The following ZDHHC3 variants were observed in gnomAD, a reference collection of about 807,000 sequenced individuals.
ZDHHC3 encodes the protein zDHHC palmitoyltransferase 3.
Under a neutral mutation model 30.6 loss-of-function variants are expected in ZDHHC3, and 9 were observed. That is an observed-to-expected ratio of 0.29 (90% CI 0.18 to 0.51). The LOEUF is 0.51. Among genes scored for constraint, ZDHHC3 ranks in the 20% least tolerant of loss-of-function variants. The pLI is 0.97. For missense variants in ZDHHC3, 246 were observed against 384.2 expected (o/e 0.64, Z 3.01); for synonymous variants, 136 against 140.2 (o/e 0.97, Z 0.21).
chr3:44,954,895 G>C (rs1703794032), intron 2 of ZDHHC3, among the ~76,000 whole-genome samples: 1 of 152,170 alleles, frequency 6.6e-6, no homozygotes. Context: ...ACCAAGAAAT[G>C]AGGAAAAGAG....
intron 1 of ZDHHC3, among the ~76,000 whole-genome samples, chr3:44,965,020 G>A (rs1252944069): frequency 6.6e-6 from 1 of 152,166 alleles, no homozygotes; most frequent in Non-Finnish European, 1.5e-5. Flanking sequence ...CACAGGCCCA[G>A]AGGTGTTCTG....
chr3:44,937,799 GGTT>G, intron 3 of ZDHHC3: 1 of 417,236 alleles, frequency 2.4e-6, no homozygotes, highest in East Asian at 6.2e-5. Context: ...CCCCAAAAAA[GGTT>G]GGTGATGACA....
chr3:44,917,709 T>G lies in ZDHHC3; in HGVS notation c.*8980A>C. 3.5e-6 allele frequency: 2 copies of G among 577,638 alleles called. No individual in the cohort carries two copies. The highest frequency in any genetic ancestry group is 5.3e-6 in the Non-Finnish European group (2 of 380,946). 35.8% of individuals were successfully genotyped at this position (577,638 alleles called of 1,614,324 possible). On this transcript the variant is annotated 3_prime_UTR_variant, in exon 7 of 7. Coordinates refer to ENST00000424952, the MANE Select transcript of ZDHHC3 (RefSeq NM_001135179.2). ...TCCTCCTCTGATGTCCCCAGCCTACTCCCGACCCCCAGACCTGGCCCAACA... is the reference window on the plus strand; with the variant it reads ...TCCTCCTCTGATGTCCCCAGCCTACGCCCGACCCCCAGACCTGGCCCAACA...
intron 5 of ZDHHC3, among the ~76,000 whole-genome samples, chr3:44,930,177 C>T (rs1178298175): frequency 1.3e-5 from 2 of 152,260 alleles, no homozygotes; most frequent in Admixed American, 6.5e-5. Context: ...CCTCCACCCA[C>T]TGCACTGTGA....
chr3:44,974,630 G>A (rs1029880972), intron 1 of ZDHHC3, among the ~76,000 whole-genome samples: 5 of 152,172 alleles, frequency 3.3e-5, no homozygotes, highest in African/African-American at 9.7e-5. Flanking sequence ...AAATCCTTCC[G>A]GCTTCACCTC....
chr3:44,964,470 G>C (rs916173494), intron 1 of ZDHHC3, among the ~76,000 whole-genome samples: 1 of 152,222 alleles, frequency 6.6e-6, no homozygotes, highest in Non-Finnish European at 1.5e-5. Flanking sequence ...TTGTAGGAAA[G>C]AGAGGAGGTG....
Position 44,965,995 on chromosome 3 carries a change from C to A in ZDHHC3, c.-24-6535G>T, listed in dbSNP as rs141686635. On this transcript the variant is annotated intron_variant, in intron 1 of 6. Coordinates refer to ENST00000424952, the MANE Select transcript of ZDHHC3 (RefSeq NM_001135179.2). ...CACATCTTGAGACGGTACAAAGTAG[C>A]ATCAACAAAGGGCAATTAATTCAAC... is the stretch of plus-strand genomic sequence containing the variant. Among the ~76,000 whole-genome samples, 17 of 152,324 alleles carry A rather than the reference C, an allele frequency of 1.1e-4. No individual in the cohort carries two copies. In the East Asian group the frequency reaches 3.3e-3, roughly 29 times the overall value.
rs920890129 is a variant in ZDHHC3 at position 44,919,096 on chromosome 3, G to A, written c.*7593C>T. On this transcript the variant is annotated 3_prime_UTR_variant, in exon 7 of 7. Coordinates refer to ENST00000424952, the MANE Select transcript of ZDHHC3 (RefSeq NM_001135179.2). ...CAGAGATTTAAGATTCTTGACTTTTGAATAAATTCTAAGTTAAAAAAATTG... is the reference window on the plus strand; with the variant it reads ...CAGAGATTTAAGATTCTTGACTTTTAAATAAATTCTAAGTTAAAAAAATTG... The A allele has an allele frequency of 1.5e-5, 15 of 984,992 alleles. No homozygotes were observed. In the African/African-American group the frequency reaches 2.4e-4, roughly 16 times the overall value. The allele number at this position is 984,992 out of a possible 1,614,324, so 61.0% of individuals were successfully genotyped here.
At chr3:44,949,076 C>T (rs979450577) in intron 2 of ZDHHC3, among the ~76,000 whole-genome samples, 1 of 151,880 alleles carries the variant, frequency 6.6e-6, no homozygotes, top group Non-Finnish European at 1.5e-5. Flanking sequence ...CTCTCTAAAG[C>T]ATTTCATTAC....
At position 44,921,626 on chromosome 3, in the gene ZDHHC3, G is replaced by A; in HGVS notation, c.*5063C>T. 1 of 984,576 alleles carries A rather than the reference G, an allele frequency of 1.0e-6. No individual in the cohort carries two copies. Among genetic ancestry groups the A allele is most frequent in the Non-Finnish European group, 1.2e-6 (1 of 829,166 alleles). The allele number at this position is 984,576 out of a possible 1,614,324, so 61.0% of individuals were successfully genotyped here. On this transcript the variant is annotated 3_prime_UTR_variant, in exon 7 of 7. Transcript: ENST00000424952. ...AGCTAACATTTATAAAGCCATACCA[G>A]GGCCAGACGCTATACATTCCTATTC...
rs1700360081 is a variant in ZDHHC3 at position 44,918,454 on chromosome 3, G to C, written c.*8235C>G. The C allele has an allele frequency of 3.0e-6, 3 of 985,432 alleles. No homozygotes were observed. The highest frequency in any genetic ancestry group is 3.6e-6 in the Non-Finnish European group (3 of 829,936). The allele number at this position is 985,432 out of a possible 1,614,324, so 61.0% of individuals were successfully genotyped here. A position where few individuals can be genotyped will look rare whatever the true frequency, so the allele number is the denominator to read the frequency against. On this transcript the variant is annotated 3_prime_UTR_variant, in exon 7 of 7. Coordinates refer to ENST00000424952, the MANE Select transcript of ZDHHC3 (RefSeq NM_001135179.2). ...CTTTCCTTCCACAAGTGCAATGCCAGATGATGGGCAGGGGCTAGGCTGATG... is the reference window on the plus strand; with the variant it reads ...CTTTCCTTCCACAAGTGCAATGCCACATGATGGGCAGGGGCTAGGCTGATG...
chr3:44,923,344 G>A lies in ZDHHC3; in HGVS notation c.*3345C>T, dbSNP rs1700743976. Reference sequence around the variant, plus strand: ...GCCCGCCTCGGCCTCCCAAAGTGCTGGGATTACAGGCGTGAGGGATGTCCA... The same window carrying A: ...GCCCGCCTCGGCCTCCCAAAGTGCTAGGATTACAGGCGTGAGGGATGTCCA... On this transcript the variant is annotated 3_prime_UTR_variant, in exon 7 of 7. Coordinates refer to ENST00000424952, the MANE Select transcript of ZDHHC3 (RefSeq NM_001135179.2). 7.1e-6 allele frequency: 7 copies of A among 985,228 alleles called. No individual in the cohort carries two copies. The highest frequency in any genetic ancestry group is 1.7e-5 in the African/African-American group (1 of 57,234). 61.0% of individuals were successfully genotyped at this position (985,228 alleles called of 1,614,324 possible). A position where few individuals can be genotyped will look rare whatever the true frequency, so the allele number is the denominator to read the frequency against.
Position 44,922,336 on chromosome 3 carries a change from C to A in ZDHHC3, c.*4353G>T. ...CATCTGGAGGTCCCTTGGTTCTACT[C>A]TTTTCTCTTTCCCTTCCGGGCTGCT... is the stretch of plus-strand genomic sequence containing the variant. On this transcript the variant is annotated 3_prime_UTR_variant, in exon 7 of 7. Coordinates refer to ENST00000424952, the MANE Select transcript of ZDHHC3 (RefSeq NM_001135179.2). 2 of 985,404 alleles carry A rather than the reference C, an allele frequency of 2.0e-6. No homozygotes were observed. The highest frequency in any genetic ancestry group is 2.4e-6 in the Non-Finnish European group (2 of 829,922). The allele number at this position is 985,404 out of a possible 1,614,324, so 61.0% of individuals were successfully genotyped here.
chr3:44,934,971 CATT>C (rs1213671585), intron 3 of ZDHHC3, among the ~76,000 whole-genome samples: 1 of 147,928 alleles, frequency 6.8e-6, no homozygotes, highest in Non-Finnish European at 1.5e-5. Context: ...ACATTTCTAA[CATT>C]ATTGGGATAA....
At position 44,917,974 on chromosome 3, in the gene ZDHHC3, G is replaced by A. The variant is rs865813145; in HGVS notation, c.*8715C>T. ...CTCCATTGTTTCGGTGTCTGACAGCGATGTCACCTGCCGCACCATGTCTTT... is the reference window on the plus strand; with the variant it reads ...CTCCATTGTTTCGGTGTCTGACAGCAATGTCACCTGCCGCACCATGTCTTT... On this transcript the variant is annotated 3_prime_UTR_variant, in exon 7 of 7. Transcript: ENST00000424952. 7.7e-6 allele frequency: 10 copies of A among 1,305,260 alleles called. No individual in the cohort carries two copies. The highest frequency in any genetic ancestry group is 1.0e-5 in the Non-Finnish European group (10 of 988,964). 80.9% of individuals were successfully genotyped at this position (1,305,260 alleles called of 1,614,324 possible).
chr3:44,962,723 G>A (rs937703385), intron 1 of ZDHHC3, among the ~76,000 whole-genome samples: 1 of 152,164 alleles, frequency 6.6e-6, no homozygotes, highest in Non-Finnish European at 1.5e-5. Context: ...GGCTTGCTCA[G>A]ACTGTTATAA....
chr3:44,950,696 C>T (rs1184598798), intron 2 of ZDHHC3, among the ~76,000 whole-genome samples: 3 of 152,208 alleles, frequency 2.0e-5, no homozygotes, highest in African/African-American at 7.2e-5. Context: ...CTGCCTCAGG[C>T]AACTTTTTGT....
At chr3:44,932,631 C>T (rs76199644) in intron 5 of ZDHHC3, among the ~76,000 whole-genome samples, 5,346 of 152,184 alleles carry the variant, frequency 0.035, 275 homozygotes, top group African/African-American at 0.12. Flanking sequence ...TGTAAATTCA[C>T]GATTATCAGT....
At position 44,923,417 on chromosome 3, in the gene ZDHHC3, C is replaced by G. The variant is rs1006305517; in HGVS notation, c.*3272G>C. 2.0e-6 allele frequency: 2 copies of G among 985,270 alleles called. No homozygotes were observed. The allele number at this position is 985,270 out of a possible 1,614,324, so 61.0% of individuals were successfully genotyped here. A position where few individuals can be genotyped will look rare whatever the true frequency, so the allele number is the denominator to read the frequency against. On this transcript the variant is annotated 3_prime_UTR_variant, in exon 7 of 7. Transcript: ENST00000424952. ...GCTTAAAATGTTTGTTAATTTACCT[C>G]ACCTAAACGGTTTCTGCATTAGGGG...
Sources: gnomAD v4.1 joint callset for allele counts (sites outside exome capture counted in the v4.1 genomes callset) on GRCh38, gnomAD v4.1.1 for gene constraint, MANE v1.5 for transcripts, NCBI Gene and HGNC (gene_info 2026-07-23, HGNC 2026-07-21) for gene names.